DNAH17: variants seen among roughly 807,000 people sequenced by gnomAD.
DNAH17 encodes axonemal beta dynein heavy chain 17.
Under a neutral mutation model 485.6 loss-of-function variants are expected in DNAH17, and 376 were observed. The ratio of observed to expected loss-of-function variants is 0.77; its 90% CI spans 0.71 to 0.84. DNAH17 has a LOEUF of 0.84. Among genes scored for constraint, DNAH17 ranks in the 40% least tolerant of loss-of-function variants. The probability of loss-of-function intolerance (pLI) is 0.00; values close to 1 mark genes in which losing one functional copy is unlikely to be tolerated. For synonymous variants in DNAH17, 3,031 were observed against 2,405.9 expected, an observed-to-expected ratio of 1.26 and a Z score of -7.60; for missense variants, 6,370 against 5,839.3, an observed-to-expected ratio of 1.09 and a Z score of -2.96.
chr17:78,530,290 C>T (rs1278416623), intron 21 of DNAH17, 53 bp downstream of exon 21: 32 of 1,526,550 alleles, frequency 2.1e-5, no homozygotes, highest in Non-Finnish European at 2.7e-5. Context: ...AAGGCCACTC[C>T]CTGGTGCTCT....
intron 48 of DNAH17, among the ~76,000 whole-genome samples, chr17:78,481,521 C>A (rs756267514): frequency 2.6e-5 from 4 of 152,136 alleles, no homozygotes; most frequent in Non-Finnish European, 5.9e-5. Flanking sequence ...CAGCTCTTCC[C>A]CTAAGCAGTG....
In DNAH17 at chr17:78,532,834, C is replaced by T. The variant is rs78078398; in HGVS notation, c.2860-98G>A. ...GCCTTGAGAAGTGGTTCTCTGTTGGCGAAAGGGCTTCCAATCTCTCATGAT... is the reference window on the plus strand; with the variant it reads ...GCCTTGAGAAGTGGTTCTCTGTTGGTGAAAGGGCTTCCAATCTCTCATGAT... On this transcript the variant is annotated intron_variant, in intron 19 of 80. Transcript: ENST00000389840. The T allele has an allele frequency of 3.0e-4, 402 of 1,342,940 alleles. 3 individuals carry two copies. The African/African-American group carries it at 5.2e-3, about 17-fold the overall frequency. 83.2% of individuals were successfully genotyped at this position (1,342,940 alleles called of 1,614,324 possible).
Position 78,522,612 on chromosome 17 carries a change from C to T in DNAH17, c.3864+2397G>A, listed in dbSNP as rs368177370. On this transcript the variant is annotated intron_variant, in intron 25 of 80. Transcript: ENST00000389840. ...GGGCCTGGGTCTGCAACACCCACGC[C>T]GACTTCACCCATGAGTGCCCAGGCC... The T allele has an allele frequency of 1.1e-4, 29 of 261,454 alleles. 1 individual carries two copies. The East Asian group carries it at 2.3e-3, about 21-fold the overall frequency. 16.2% of individuals were successfully genotyped at this position (261,454 alleles called of 1,614,324 possible). A position where few individuals can be genotyped will look rare whatever the true frequency, so the allele number is the denominator to read the frequency against.
chr17:78,503,582 G>A (rs1477306542), intron 31 of DNAH17, among the ~76,000 whole-genome samples: 1 of 151,996 alleles, frequency 6.6e-6, no homozygotes, highest in Non-Finnish European at 1.5e-5. Flanking sequence ...CCACCTGTGG[G>A]CTCAAGCGAT....
Position 78,486,240 on chromosome 17 carries a change from G to A in DNAH17, c.7085C>T (p.Ala2362Val). 17 of 1,589,610 alleles carry A rather than the reference G, an allele frequency of 1.1e-5. No homozygotes were observed. The highest frequency in any genetic ancestry group is 1.5e-5 in the Non-Finnish European group (17 of 1,164,828). Residue 2362 changes from alanine to valine, a missense_variant, in exon 45 of 81, where the codon GCC becomes GTC. By Grantham distance (64) the Ala-to-Val change is moderately conservative. Transcript: ENST00000389840. ...VFTCFWAFGG[A>V]MFQDQLVDYR... ...GTGCATCACCTGGTCCTGGAACATG[G>A]CGCCACCGAAGGCCCAGAAGCAGGT...
chr17:78,551,507 C>T (rs866988911), intron 16 of DNAH17, 28 bp downstream of exon 16: 45 of 1,607,412 alleles, frequency 2.8e-5, no homozygotes, highest in Admixed American at 1.0e-4. Flanking sequence ...CCCACAAAGC[C>T]CCACTCTGTG....
rs1167981855 is a variant in DNAH17, at chr17:78,561,816, G to C, written c.1734C>G (p.Ile578Met). ...CGGCCACGGGAGGCATGTTTTTGTG[G>C]ATCAGGGGGATGTTCCCCTCCTCGG... Reference protein sequence around the residue: ...AASEEGNIPLIHKNMPPVAGQ... With the variant: ...AASEEGNIPLMHKNMPPVAGQ... Residue 578 changes from isoleucine to methionine, a missense_variant, in exon 12 of 81, where the codon ATC (isoleucine) becomes ATG (methionine). By Grantham distance (10) the Ile-to-Met change is conservative (BLOSUM62 1). Transcript: ENST00000389840. 2.5e-6 allele frequency: 4 copies of C among 1,613,884 alleles called. No homozygotes were observed. The highest frequency in any genetic ancestry group is 3.4e-6 in the Non-Finnish European group (4 of 1,179,848).
chr17:78,566,985 G>T lies in DNAH17; in HGVS notation c.1452+14C>A, dbSNP rs1281116773. On this transcript the variant is annotated intron_variant, in intron 10 of 80. Coordinates refer to ENST00000389840, the MANE Select transcript of DNAH17 (RefSeq NM_173628.4). ...CACCGAGTCCAGTTCATCCAACCCT[G>T]CCCGAGGACCTACCGAGTCTCCAGG... 4 of 1,602,942 alleles carry T rather than the reference G, an allele frequency of 2.5e-6. No individual in the cohort carries two copies. The highest frequency in any genetic ancestry group is 3.4e-6 in the Non-Finnish European group (4 of 1,173,814).
intron 72 of DNAH17, among the ~76,000 whole-genome samples, chr17:78,440,260 T>C (rs893080572): frequency 2.2e-5 from 3 of 137,230 alleles, no homozygotes; most frequent in Admixed American, 7.4e-5. Flanking sequence ...TTTTTTTTTT[T>C]TTTTTTTTTT....
Position 78,500,400 on chromosome 17 carries a change from C to T in DNAH17, c.5545G>A (p.Ala1849Thr), listed in dbSNP as rs60548811. 1,123 of 1,610,162 alleles carry T rather than the reference C, an allele frequency of 7.0e-4. 7 individuals are homozygous for T. The African/African-American group carries it at 8.5e-3, about 12-fold the overall frequency. The change falls in exon 36 of 81, where the codon GCT becomes ACT. Residue 1849 changes from alanine to threonine, a missense_variant. Transcript: ENST00000389840. ...GTCGTCTCAGTCTTGCCGGTCCCAG[C>T]GGGGCCGGCAGGGGCTCCACCCATG... ...LIMGGAPAGPAGTGKTETTKD... is the reference protein window; with the variant it reads ...LIMGGAPAGPTGTGKTETTKD...
chr17:78,441,204 G>T lies in DNAH17; in HGVS notation c.11529-5C>A. 6.2e-7 allele frequency: 1 copy of T among 1,613,718 alleles called. No individual in the cohort carries two copies. Among genetic ancestry groups the T allele is most frequent in the Non-Finnish European group, 8.5e-7 (1 of 1,179,826 alleles). ...ATCTTTTCCTCCACGAAGTTCCTAGGGGTGGAGTGCATCAGAGGCAGCGGA... is the reference window on the plus strand; with the variant it reads ...ATCTTTTCCTCCACGAAGTTCCTAGTGGTGGAGTGCATCAGAGGCAGCGGA... On this transcript the variant is annotated splice_polypyrimidine_tract_variant and splice_region_variant and intron_variant, in intron 71 of 80. Transcript: ENST00000389840.
rs2089258715 is a variant in DNAH17 at position 78,479,583 on chromosome 17, G to A, written c.7802C>T (p.Thr2601Ile). The change falls in exon 50 of 81, where the codon ACC becomes ATC. Residue 2601 changes from threonine (T) to isoleucine (I), a missense_variant. Coordinates refer to ENST00000389840, the MANE Select transcript of DNAH17 (RefSeq NM_173628.4). The stretch of plus-strand genomic sequence containing the variant: ...CGTCAGGATTGTGTTGTAGATGGTG[G>A]TGAGGGCCTCCTGGCCGGGGAAGCT... ...AVSFPGQEAL[T>I]TIYNTILTQH... The A allele has an allele frequency of 6.2e-7, 1 of 1,613,606 alleles. No individual in the cohort carries two copies. Among genetic ancestry groups the A allele is most frequent in the Non-Finnish European group, 8.5e-7 (1 of 1,179,866 alleles).
chr17:78,484,766 T>A (rs12952246), intron 48 of DNAH17, 102 bp downstream of exon 48: 132 of 554,840 alleles, frequency 2.4e-4, no homozygotes, highest in Middle Eastern at 1.3e-3. Context: ...ACACCAGTCC[T>A]GCCCTACTGC....
At chr17:78,437,089 G>C (rs996476935) in intron 74 of DNAH17, among the ~76,000 whole-genome samples, 1 of 152,190 alleles carries the variant, frequency 6.6e-6, no homozygotes, top group Admixed American at 6.5e-5. Context: ...GAGGAGGACC[G>C]GGCTCCCTAG....
chr17:78,545,680 C>G (rs1181050869), intron 16 of DNAH17, among the ~76,000 whole-genome samples: 2 of 152,196 alleles, frequency 1.3e-5, no homozygotes, highest in Non-Finnish European at 2.9e-5. Context: ...CACAAACGTA[C>G]AGTCCATGGC....
At position 78,541,377 on chromosome 17, in the gene DNAH17, GTGGATGGATGGA is replaced by G. The variant is rs371016100; in HGVS notation, c.2533-1509_2533-1498del. ...ATGAATGTGGTGGGTAGATGTGTAAGTGGATGGATGGATGGATGGATGGGTGGATGGTTGGAT... is the reference window on the plus strand; with the variant it reads ...ATGAATGTGGTGGGTAGATGTGTAAGTGGATGGATGGGTGGATGGTTGGAT... On this transcript the variant is annotated intron_variant, in intron 17 of 80. Transcript: ENST00000389840. Among the ~76,000 whole-genome samples the G allele has an allele frequency of 2.7e-4, 40 of 148,524 alleles. 1 individual carries two copies. The highest frequency in any genetic ancestry group is 9.2e-4 in the African/African-American group (37 of 40,110).
At chr17:78,458,365 C>G (rs1445551797) in intron 62 of DNAH17, 200 bp downstream of exon 62, 1 of 591,304 alleles carries the variant, frequency 1.7e-6, no homozygotes, top group Non-Finnish European at 3.0e-6. Flanking sequence ...TGGAACCACG[C>G]GACAGGGCAT....
At position 78,475,287 on chromosome 17, in the gene DNAH17, G is replaced by A. The variant is rs371894374; in HGVS notation, c.8502C>T (p.Pro2834=). The A allele has an allele frequency of 3.3e-4, 536 of 1,613,828 alleles. No homozygotes were observed. The highest frequency in any genetic ancestry group is 4.3e-4 in the Non-Finnish European group (509 of 1,179,892). ...AACAGTAAGCTCTCACCTTGAGGTC[G>A]GGGATCCCGTAGCCCTTCTTGAGGG... ...QITLKKGYGI[P]DLKIDLAAQY... is the part of the protein sequence containing the mutation. Residue 2834 remains proline (P), a synonymous_variant, in exon 54 of 81, where the codon CCC becomes CCT. Coordinates refer to ENST00000389840, the MANE Select transcript of DNAH17 (RefSeq NM_173628.4).
chr17:78,551,761 A>C (rs1029901952), intron 15 of DNAH17, 123 bp from the exon 16 acceptor site: 1 of 846,508 alleles, frequency 1.2e-6, no homozygotes, highest in Non-Finnish European at 1.9e-6. Flanking sequence ...CGGGAGTTCG[A>C]GACCAGCCTG....
Sources: gnomAD v4.1 joint callset for allele counts (sites outside exome capture counted in the v4.1 genomes callset) on GRCh38, gnomAD v4.1.1 for gene constraint, MANE v1.5 for transcripts, NCBI Gene and HGNC (gene_info 2026-07-23, HGNC 2026-07-21) for gene names.